Variants in CLASP1 observed in about 807,000 individuals in gnomAD.
The protein encoded by CLASP1 is CLIP-associating protein 1.
A neutral mutation model predicts 192.3 loss-of-function variants in CLASP1; 38 were observed. The observed-to-expected ratio is 0.20, with a 90% CI of 0.15 to 0.26. The LOEUF (loss-of-function observed/expected upper bound fraction) is 0.26. CLASP1 is among the 10% of genes least tolerant of loss of function. The probability of loss-of-function intolerance (pLI) is 1.00; values close to 1 mark genes in which losing one functional copy is unlikely to be tolerated. For synonymous variants in CLASP1, 691 were observed against 712.8 expected (o/e 0.97, Z 0.49); for missense variants, 1,433 against 1,932.5 (o/e 0.74, Z 4.85).
intron 37 of CLASP1, among the ~76,000 whole-genome samples, chr2:121,350,297 C>T (rs1013802683): frequency 6.6e-6 from 1 of 152,226 alleles, no homozygotes; most frequent in African/African-American, 2.4e-5. Flanking sequence ...CCCATGGAAA[C>T]AGCATATGGA....
At chr2:121,580,253 T>C (rs1280878620) in intron 2 of CLASP1, among the ~76,000 whole-genome samples, 3 of 152,232 alleles carry the variant, frequency 2.0e-5, no homozygotes, top group Non-Finnish European at 1.5e-5. Flanking sequence ...AGGGCATTAC[T>C]TTTTACAACA....
chr2:121,578,545 C>G (rs891653202), intron 2 of CLASP1, among the ~76,000 whole-genome samples: 8 of 150,848 alleles, frequency 5.3e-5, no homozygotes, highest in African/African-American at 1.5e-4. Flanking sequence ...CTGGCCAACA[C>G]GGTGAAACCC....
At chr2:121,541,379 G>A (rs1429332224) in intron 2 of CLASP1, among the ~76,000 whole-genome samples, 2 of 152,022 alleles carry the variant, frequency 1.3e-5, no homozygotes, top group East Asian at 3.9e-4. Context: ...CTGAGATATA[G>A]AATATATTAT....
At chr2:121,495,818 G>A (rs1325800765) in intron 8 of CLASP1, among the ~76,000 whole-genome samples, 1 of 152,104 alleles carries the variant, frequency 6.6e-6, no homozygotes, top group Non-Finnish European at 1.5e-5. Flanking sequence ...AGCAACTGGA[G>A]GAGAATCTAT....
At chr2:121,563,537 G>A (rs2105329685) in intron 2 of CLASP1, among the ~76,000 whole-genome samples, 1 of 152,248 alleles carries the variant, frequency 6.6e-6, no homozygotes, top group African/African-American at 2.4e-5. Flanking sequence ...TAAAAAATAT[G>A]CTAACTTGTT....
intron 29 of CLASP1, among the ~76,000 whole-genome samples, 187 bp downstream of exon 30, chr2:121,398,135 A>C (rs1178828552): frequency 6.6e-6 from 1 of 152,258 alleles, no homozygotes; most frequent in African/African-American, 2.4e-5. Flanking sequence ...GTACTTACCC[A>C]ATGAACCAGC....
Position 121,401,839 on chromosome 2 carries a change from C to T in CLASP1, c.2736+29G>A, listed in dbSNP as rs778816839. 1.3e-4 allele frequency: 101 copies of T among 761,948 alleles called. No homozygotes were observed. The Middle Eastern group carries it at 1.8e-3, about 14-fold the overall frequency. The allele number at this position is 761,948 out of a possible 1,614,324, so 47.2% of individuals were successfully genotyped here. A position where few individuals can be genotyped will look rare whatever the true frequency, so the allele number is the denominator to read the frequency against. On this transcript the variant is annotated intron_variant, in intron 27 of 39. Coordinates refer to ENST00000263710, the Ensembl canonical transcript of CLASP1. ...CAGAAGGAAAATGTAGTGCAGAAAA[C>T]AGATAAAGGAAAAAGAAATGGAACT...
At chr2:121,581,624 C>G (rs2105577478) in intron 2 of CLASP1, among the ~76,000 whole-genome samples, 1 of 152,280 alleles carries the variant, frequency 6.6e-6, no homozygotes, top group East Asian at 1.9e-4. Context: ...GTGGCTCAAG[C>G]CTATAATCCC....
At chr2:121,630,817 G>A (rs1334441406) in intron 1 of CLASP1, among the ~76,000 whole-genome samples, 2 of 142,768 alleles carry the variant, frequency 1.4e-5, no homozygotes, top group Non-Finnish European at 3.0e-5. Context: ...CCAAGATCTA[G>A]CCATTGCACT....
chr2:121,400,245 C>T (rs1477862485), intron 28 of CLASP1, among the ~76,000 whole-genome samples: 2 of 151,848 alleles, frequency 1.3e-5, no homozygotes, highest in Admixed American at 1.3e-4. Flanking sequence ...ATGGCCTCAC[C>T]GACAGATGCA....
intron 2 of CLASP1, among the ~76,000 whole-genome samples, chr2:121,540,275 A>G (rs1414387836): frequency 1.3e-5 from 2 of 152,204 alleles, no homozygotes; most frequent in African/African-American, 4.8e-5. Flanking sequence ...TCACAGTTAC[A>G]CTCAGCAATA....
At chr2:121,375,819 A>G (rs1236694169) in intron 34 of CLASP1, among the ~76,000 whole-genome samples, 3 of 152,166 alleles carry the variant, frequency 2.0e-5, no homozygotes, top group Non-Finnish European at 2.9e-5. Flanking sequence ...TGGAGCTCTC[A>G]GAAAGCCATG....
intron 19 of CLASP1, among the ~76,000 whole-genome samples, chr2:121,431,795 GGTTTT>G (rs1244640268): frequency 6.9e-6 from 1 of 145,104 alleles, no homozygotes; most frequent in Non-Finnish European, 1.5e-5. Flanking sequence ...ATAACTCTGT[GGTTTT>G]GTTTTACATA....
exon 30 of CLASP1, chr2:121,397,182 G>A: frequency 6.2e-7 from 1 of 1,613,818 alleles, no homozygotes; most frequent in Non-Finnish European, 8.5e-7. Flanking sequence ...TCCAGGTTAT[G>A]ATTCTAGAAA....
At chr2:121,433,755 CA>C (rs1389633153) in intron 19 of CLASP1, among the ~76,000 whole-genome samples, 1 of 152,074 alleles carries the variant, frequency 6.6e-6, no homozygotes, top group African/African-American at 2.4e-5. Flanking sequence ...GACTCTGTCT[CA>C]AAAAGAAAAG....
chr2:121,364,811 G>C (rs2067076310), intron 36 of CLASP1: 1 of 415,206 alleles, frequency 2.4e-6, no homozygotes, highest in Non-Finnish European at 4.4e-6. Flanking sequence ...AAAGTTTTAA[G>C]AAATTCTGTG....
In CLASP1 at chr2:121,452,345, C is replaced by T. The variant is rs774607299; in HGVS notation, c.1386-496G>A. 1.1e-3 allele frequency among the ~76,000 whole-genome samples: 166 copies of T among 152,150 alleles called. 3 individuals are homozygous for T. Among genetic ancestry groups the T allele is most frequent in the Non-Finnish European group, 2.6e-4 (18 of 68,032 alleles). ...AAATAGTGCTTAAAATGGATTTTCT[C>T]CAACTACTTTGCTTTCCTCCAACCA... On this transcript the variant is annotated intron_variant, in intron 14 of 39. Transcript: ENST00000263710.
At chr2:121,384,007 T>TAC (rs771174974) in intron 32 of CLASP1, among the ~76,000 whole-genome samples, 14,534 of 139,426 alleles carry the variant, frequency 0.1, 837 homozygotes, top group Middle Eastern at 0.19. Flanking sequence ...TATATATATA[T>TAC]ACACACACAC....
At chr2:121,612,812 G>A (rs180814846) in intron 1 of CLASP1, among the ~76,000 whole-genome samples, 4 of 152,188 alleles carry the variant, frequency 2.6e-5, no homozygotes, top group African/African-American at 9.7e-5. Context: ...GCCCTTGCCT[G>A]CCTTTAGTGA....
Sources: allele counts gnomAD v4.1 joint callset (sites outside exome capture counted in the v4.1 genomes callset), GRCh38; gene constraint gnomAD v4.1.1; transcripts MANE v1.5; gene names NCBI Gene and HGNC (gene_info 2026-07-23, HGNC 2026-07-21).